Variants in PABPC4L observed in about 807,000 individuals in gnomAD.
The protein encoded by PABPC4L is poly(A) binding protein cytoplasmic 4 like, also known as polyadenylate-binding protein 4-like.
For synonymous variants in PABPC4L, 169 were observed against 164.1 expected (o/e 1.03, Z -0.23); for missense variants, 452 against 451.4 (o/e 1.00, Z -0.01).
chr4:133,960,503 C>T, the PABPC4L span, among the ~76,000 whole-genome samples: 1 of 152,144 alleles, frequency 6.6e-6, no homozygotes, highest in Admixed American at 6.5e-5. Flanking sequence ...AAGGAAAATG[C>T]CATAGGAAGA....
the PABPC4L span, among the ~76,000 whole-genome samples, chr4:134,011,399 C>G: frequency 6.6e-6 from 1 of 151,914 alleles, no homozygotes. Context: ...AAAAAAAATT[C>G]CAGGAATATA....
chr4:134,164,592 G>A, the PABPC4L span, among the ~76,000 whole-genome samples: 1 of 152,180 alleles, frequency 6.6e-6, no homozygotes, highest in East Asian at 1.9e-4. Context: ...ATTACAAGGA[G>A]AAATACAAAA....
the PABPC4L span, among the ~76,000 whole-genome samples, chr4:134,056,066 A>G: frequency 6.6e-6 from 1 of 152,086 alleles, no homozygotes; most frequent in African/African-American, 2.4e-5. Flanking sequence ...ATTTGTTGAA[A>G]GGCTATCTTT....
At chr4:133,997,819 G>A in the PABPC4L span, among the ~76,000 whole-genome samples, 7 of 152,210 alleles carry the variant, frequency 4.6e-5, no homozygotes, top group East Asian at 3.9e-4. Flanking sequence ...CTTCACTTCC[G>A]TGTAATGCAT....
At chr4:134,138,134 T>TA in the PABPC4L span, among the ~76,000 whole-genome samples, 37 of 151,726 alleles carry the variant, frequency 2.4e-4, no homozygotes, top group East Asian at 1.2e-3. Context: ...TCTGCATCTT[T>TA]AAAAAAAATC....
the PABPC4L span, among the ~76,000 whole-genome samples, chr4:134,036,789 C>T: frequency 6.6e-6 from 1 of 152,048 alleles, no homozygotes; most frequent in Admixed American, 6.6e-5. Context: ...AATGCAGTGG[C>T]TCATGCCTGT....
the PABPC4L span, among the ~76,000 whole-genome samples, chr4:133,993,900 CT>C: frequency 1.5e-4 from 23 of 152,038 alleles, no homozygotes; most frequent in Non-Finnish European, 3.1e-4. Context: ...ACAGGGTGGG[CT>C]CAAGAGTAGA....
the PABPC4L span, among the ~76,000 whole-genome samples, chr4:134,020,298 T>C: frequency 6.6e-6 from 1 of 152,092 alleles, no homozygotes; most frequent in African/African-American, 2.4e-5. Context: ...CTTGTTTATA[T>C]AGGATAAAAA....
the PABPC4L span, among the ~76,000 whole-genome samples, chr4:134,181,755 C>A: frequency 6.6e-6 from 1 of 151,726 alleles, no homozygotes; most frequent in Non-Finnish European, 1.5e-5. Flanking sequence ...AAATCAGGAA[C>A]AAAATTCCAT....
chr4:133,965,084 G>A, the PABPC4L span, among the ~76,000 whole-genome samples: 1 of 152,140 alleles, frequency 6.6e-6, no homozygotes, highest in African/African-American at 2.4e-5. Context: ...GACTTCTCCA[G>A]AAAGCTCCTA....
chr4:134,062,133 G>A, the PABPC4L span, among the ~76,000 whole-genome samples: 1 of 151,754 alleles, frequency 6.6e-6, no homozygotes, highest in Non-Finnish European at 1.5e-5. Context: ...AACTCTGCCT[G>A]TGTCAAAGGG....
At position 134,200,730 on chromosome 4, in the gene PABPC4L, A is replaced by G; in HGVS notation, c.290T>C (p.Ile97Thr). 1 of 1,551,718 alleles carries G rather than the reference A, an allele frequency of 6.4e-7. No individual in the cohort carries two copies. The highest frequency in any genetic ancestry group is 1.4e-5 in the African/African-American group (1 of 73,166). ...QRDAYLRRSG[I>T]GNVFIKNLDK... Reference sequence around the variant, plus strand: ...CAGATTCTTGATGAATACGTTCCCAATTCCAGATCTCCTCAAGTAGGCATC... The same window carrying G: ...CAGATTCTTGATGAATACGTTCCCAGTTCCAGATCTCCTCAAGTAGGCATC... The change falls in exon 2 of 2, where the codon ATT (isoleucine) becomes ACT (threonine). Residue 97 changes from isoleucine (I) to threonine (T), a missense_variant. Coordinates refer to ENST00000421491, the MANE Select transcript of PABPC4L (RefSeq NM_001114734.2).
At chr4:134,058,957 A>G in the PABPC4L span, among the ~76,000 whole-genome samples, 1 of 152,048 alleles carries the variant, frequency 6.6e-6, no homozygotes, top group Non-Finnish European at 1.5e-5. Context: ...GTTAAAAGAA[A>G]AGCCACACCT....
chr4:134,095,052 A>T, the PABPC4L span, among the ~76,000 whole-genome samples: 1 of 151,896 alleles, frequency 6.6e-6, no homozygotes, highest in Non-Finnish European at 1.5e-5. Context: ...ATAGTTTATT[A>T]TTTCAAGGTA....
rs1380025104 is a variant in PABPC4L, at chr4:134,201,191, C to T, written c.-172G>A. On this transcript the variant is annotated 5_prime_UTR_variant, in exon 2 of 2. It removes an upstream start codon present in the reference 5' UTR. Coordinates refer to ENST00000421491, the MANE Select transcript of PABPC4L (RefSeq NM_001114734.2). ...ACTCCCCCAGCTCAGGCAACACCCT[C>T]ATCCAAAAGTCCCCACAGCCACCAA... The T allele has an allele frequency of 1.9e-6, 3 of 1,547,000 alleles. No homozygotes were observed. The highest frequency in any genetic ancestry group is 2.6e-6 in the Non-Finnish European group (3 of 1,145,218).
At chr4:134,032,881 A>C in the PABPC4L span, among the ~76,000 whole-genome samples, 1 of 151,870 alleles carries the variant, frequency 6.6e-6, no homozygotes, top group Non-Finnish European at 1.5e-5. Context: ...TGTGACCATT[A>C]CTGTCGTGTA....
the PABPC4L span, among the ~76,000 whole-genome samples, chr4:134,031,049 C>T: frequency 6.6e-6 from 1 of 151,952 alleles, no homozygotes; most frequent in Admixed American, 6.6e-5. Flanking sequence ...CGCTATCCAG[C>T]TCTAAATGGT....
At chr4:134,191,690 A>G (rs1482359196), downstream of PABPC4L, among the ~76,000 whole-genome samples, 1 of 152,144 alleles carries the variant, frequency 6.6e-6, no homozygotes, top group Non-Finnish European at 1.5e-5. Context: ...CAATGAAAAC[A>G]AAAACACAAC....
chr4:134,028,535 T>C, the PABPC4L span, among the ~76,000 whole-genome samples: 1 of 152,012 alleles, frequency 6.6e-6, no homozygotes. Flanking sequence ...ACTTCTTGAC[T>C]AGGTCAACTT....
Sources: gnomAD v4.1 joint callset for allele counts (sites outside exome capture counted in the v4.1 genomes callset) on GRCh38, gnomAD v4.1.1 for gene constraint, MANE v1.5 for transcripts, NCBI Gene and HGNC (gene_info 2026-07-23, HGNC 2026-07-21) for gene names.